The following CACHD1 variants were observed in gnomAD, a reference collection of about 807,000 sequenced individuals.
The protein encoded by CACHD1 is VWFA and cache domain-containing protein 1.
Under a neutral mutation model 138.7 loss-of-function variants are expected in CACHD1, and 71 were observed. That is an observed-to-expected ratio of 0.51 (90% confidence interval 0.42 to 0.62). CACHD1 has a LOEUF of 0.62. CACHD1 is among the 20% of genes least tolerant of loss of function. The pLI is 0.00. For missense variants in CACHD1, 1,389 were observed against 1,625.3 expected (o/e 0.85, Z 2.50); for synonymous variants, 578 against 591.5 (o/e 0.98, Z 0.33).
In CACHD1 at chr1:64,500,658, G is replaced by A. The variant is rs1232935730; in HGVS notation, c.198+29716G>A. ...CCTTAAAGCCAAGAGTTTGAGACCA[G>A]TTTGAGCAACACAGCAAGACCCAGA... is the stretch of plus-strand genomic sequence containing the variant. On this transcript the variant is annotated intron_variant, in intron 1 of 26. Transcript: ENST00000651257. Among the ~76,000 whole-genome samples the A allele has an allele frequency of 2.7e-5, 4 of 148,514 alleles. No individual in the cohort carries two copies. In the East Asian group the frequency reaches 8.0e-4, roughly 30 times the overall value.
chr1:64,541,660 A>C (rs1646678145), intron 1 of CACHD1, among the ~76,000 whole-genome samples: 2 of 150,592 alleles, frequency 1.3e-5, no homozygotes, highest in East Asian at 1.9e-4. Context: ...AAAACAAAAC[A>C]AAACCAACAA....
chr1:64,605,704 G>A (rs1004639009), intron 4 of CACHD1, among the ~76,000 whole-genome samples: 1 of 152,202 alleles, frequency 6.6e-6, no homozygotes. Context: ...ACCCACATCA[G>A]TGGGTCGGTC....
intron 1 of CACHD1, among the ~76,000 whole-genome samples, chr1:64,546,803 T>C (rs1174435133): frequency 6.6e-6 from 1 of 152,230 alleles, no homozygotes; most frequent in Admixed American, 6.5e-5. Context: ...AGCCCCGTAC[T>C]CTATTTCTTT....
chr1:64,639,329 C>A (rs4915673), intron 7 of CACHD1, among the ~76,000 whole-genome samples: 11,707 of 152,140 alleles, frequency 0.077, 482 homozygotes, highest in Non-Finnish European at 0.083. Context: ...GTTTAGGGTC[C>A]TTATAAAATA....
In CACHD1 at chr1:64,641,905, C is replaced by A; in HGVS notation, c.1092C>A (p.Val364=). 6.2e-7 allele frequency: 1 copy of A among 1,606,840 alleles called. No individual in the cohort carries two copies. Among genetic ancestry groups the A allele is most frequent in the South Asian group, 1.1e-5 (1 of 89,500 alleles). ...AAGATAAAAAAGCGACTCTCCAAGT[C>A]ATCAATGAAGAAAATAGCTTTCTAA... ...SEEDKKATLQ[V]INEENSFLNN... The change falls in exon 8 of 27, where the codon GTC becomes GTA. Residue 364 remains valine, a synonymous_variant. Coordinates refer to ENST00000651257, the MANE Select transcript of CACHD1 (RefSeq NM_020925.4).
At chr1:64,505,154 A>G (rs1646362353) in intron 1 of CACHD1, among the ~76,000 whole-genome samples, 1 of 152,088 alleles carries the variant, frequency 6.6e-6, no homozygotes, top group South Asian at 2.1e-4. Flanking sequence ...TTATTATACC[A>G]CCACCCAATT....
intron 1 of CACHD1, among the ~76,000 whole-genome samples, chr1:64,502,997 A>G (rs906119651): frequency 1.8e-4 from 27 of 152,334 alleles, no homozygotes; most frequent in African/African-American, 6.5e-4. Flanking sequence ...ATTTAGTTGC[A>G]TGCTCTTCAA....
chr1:64,678,114 G>T (rs1264281452), intron 22 of CACHD1, 45 bp from the exon 23 acceptor site: 1 of 1,593,762 alleles, frequency 6.3e-7, no homozygotes, highest in African/African-American at 1.4e-5. Context: ...GCTGTCCCCT[G>T]CCCCACACTG....
chr1:64,484,459 G>C (rs886450948), intron 1 of CACHD1, among the ~76,000 whole-genome samples: 1 of 152,060 alleles, frequency 6.6e-6, no homozygotes, highest in Non-Finnish European at 1.5e-5. Context: ...GAGGAATTTG[G>C]GTTCTTATTC....
At chr1:64,648,375 A>G (rs1287795722) in intron 9 of CACHD1, among the ~76,000 whole-genome samples, 1 of 152,208 alleles carries the variant, frequency 6.6e-6, no homozygotes, top group Non-Finnish European at 1.5e-5. Context: ...GCATCATCGC[A>G]CAAACATGGG....
chr1:64,592,582 C>A (rs1647115012), intron 3 of CACHD1, among the ~76,000 whole-genome samples: 1 of 152,072 alleles, frequency 6.6e-6, no homozygotes, highest in Admixed American at 6.6e-5. Context: ...CAGAAAACAG[C>A]AAGTGTCCAT....
intron 3 of CACHD1, among the ~76,000 whole-genome samples, chr1:64,594,624 C>T (rs895369077): frequency 3.3e-5 from 5 of 152,306 alleles, no homozygotes; most frequent in Middle Eastern, 6.8e-3. Context: ...CTGCGTTTTT[C>T]GTGTGACCTT....
At chr1:64,652,721 A>G (rs1649135669) in intron 10 of CACHD1, among the ~76,000 whole-genome samples, 2 of 152,248 alleles carry the variant, frequency 1.3e-5, no homozygotes, top group African/African-American at 4.8e-5. Flanking sequence ...CAGAATGCCT[A>G]TTATTAAAAA....
Position 64,682,701 on chromosome 1 carries a change from G to A in CACHD1, c.3586+595G>A, listed in dbSNP as rs147745172. ...GGTCAAGGCCAAATCATGAAGAGGC[G>A]CCGAGTGCTAGGTAACTTATGAAAT... On this transcript the variant is annotated intron_variant, in intron 26 of 26. Transcript: ENST00000651257. Among the ~76,000 whole-genome samples, 830 of 152,156 alleles carry A rather than the reference G, an allele frequency of 5.5e-3. 3 individuals carry two copies. The highest frequency in any genetic ancestry group is 0.017 in the Middle Eastern group (5 of 294).
chr1:64,504,612 C>CATCTTCCTAAGCA (rs1646357793), intron 1 of CACHD1, among the ~76,000 whole-genome samples: 1 of 152,044 alleles, frequency 6.6e-6, no homozygotes, highest in African/African-American at 2.4e-5. Context: ...GGAGTAGAAA[C>CATCTTCCTAAGCA]AGATGTTAAG....
At chr1:64,589,553 A>G (rs985832122) in intron 3 of CACHD1, among the ~76,000 whole-genome samples, 3 of 151,972 alleles carry the variant, frequency 2.0e-5, no homozygotes, top group African/African-American at 4.8e-5. Context: ...TTGTGGAGGT[A>G]CAAGTCCAAA....
At chr1:64,530,899 A>G (rs1239824843) in intron 1 of CACHD1, among the ~76,000 whole-genome samples, 1 of 148,242 alleles carries the variant, frequency 6.7e-6, no homozygotes, top group East Asian at 2.0e-4. Context: ...GAATGAGCTC[A>G]GATGTGTATC....
intron 7 of CACHD1, 98 bp from the exon 8 acceptor site, chr1:64,641,721 TC>T: frequency 1.2e-6 from 1 of 861,122 alleles, no homozygotes; most frequent in South Asian, 2.1e-5. Context: ...GCTAGGCAAG[TC>T]CTCGAGGTGG....
chr1:64,531,571 C>G (rs974663319), intron 1 of CACHD1, among the ~76,000 whole-genome samples: 17 of 150,990 alleles, frequency 1.1e-4, no homozygotes, highest in Non-Finnish European at 2.1e-4. Flanking sequence ...AGAACAATGA[C>G]AAAAAAGACT....
Sources: gnomAD v4.1 joint callset for allele counts (sites outside exome capture counted in the v4.1 genomes callset) on GRCh38, gnomAD v4.1.1 for gene constraint, MANE v1.5 for transcripts, NCBI Gene and HGNC (gene_info 2026-07-23, HGNC 2026-07-21) for gene names.